HRK: variants seen among roughly 807,000 people sequenced by gnomAD.
HRK encodes the protein harakiri, BCL2 interacting protein.
Under a neutral mutation model 5.9 loss-of-function variants are expected in HRK, and 6 were observed. The observed-to-expected ratio is 1.02, with a 90% CI of 0.56 to 2.01. The LOEUF (loss-of-function observed/expected upper bound fraction) is 2.01, where lower values mean the gene tolerates loss of function less well. HRK is among the 30% of genes most tolerant of loss of function. HRK has a pLI of 0.00. For synonymous variants in HRK, 85 were observed against 65.1 expected (o/e 1.31, Z -1.47); for missense variants, 133 against 128.3 (o/e 1.04, Z -0.18).
intron 1 of HRK, among the ~76,000 whole-genome samples, chr12:116,872,676 G>A (rs1430450721): frequency 6.6e-6 from 1 of 152,124 alleles, no homozygotes; most frequent in East Asian, 1.9e-4. Flanking sequence ...TCAGAAGGCT[G>A]AGGTGGGAGA....
intron 1 of HRK, among the ~76,000 whole-genome samples, chr12:116,875,817 TAC>T (rs1878905527): frequency 6.6e-6 from 1 of 152,152 alleles, no homozygotes; most frequent in Non-Finnish European, 1.5e-5. Context: ...ATGCTGGGAT[TAC>T]AGGTGTGAGC....
rs1878392348 is a variant in HRK at position 116,862,251 on chromosome 12, A to ATGCACAAAATGTG, written c.*57-798_*57-786dup. Among the ~76,000 whole-genome samples the ATGCACAAAATGTG allele has an allele frequency of 6.6e-6, 1 of 152,228 alleles. No homozygotes were observed. The highest frequency in any genetic ancestry group is 2.4e-5 in the African/African-American group (1 of 41,462). On this transcript the variant is annotated intron_variant, in intron 1 of 1. Transcript: ENST00000257572. The surrounding 1 kb of genome is among the most constrained non-coding windows in gnomAD (Gnocchi z 4.0). ...CATACCCAGGAGCATCCACCACAGA[A>ATGCACAAAATGTG]TGCACAAAATGTGTGCACAAATGCT...
At position 116,857,401 on chromosome 12, in the gene HRK, T is replaced by C. The variant is rs1244979715; in HGVS notation, c.*4122A>G. 1 of 152,238 alleles carries C rather than the reference T, an allele frequency of 6.6e-6. No homozygotes were observed. Among genetic ancestry groups the C allele is most frequent in the Non-Finnish European group, 1.5e-5 (1 of 68,042 alleles). 9.4% of individuals were successfully genotyped at this position (152,238 alleles called of 1,614,324 possible). A position where few individuals can be genotyped will look rare whatever the true frequency, so the allele number is the denominator to read the frequency against. ...GCTCCATGGGACTAAGAAGAGTGTC[T>C]AGCTGGTCCCCCAAACCCTTAACCA... On this transcript the variant is annotated 3_prime_UTR_variant, in exon 2 of 2. Coordinates refer to ENST00000257572, the MANE Select transcript of HRK (RefSeq NM_003806.4).
chr12:116,879,168 G>A lies in HRK; in HGVS notation c.*56+1808C>T, dbSNP rs1327333153. 6.6e-6 allele frequency: 1 copy of A among 152,330 alleles called. No homozygotes were observed. Among genetic ancestry groups the A allele is most frequent in the Non-Finnish European group, 1.5e-5 (1 of 68,150 alleles). 9.4% of individuals were successfully genotyped at this position (152,330 alleles called of 1,614,324 possible). A position where few individuals can be genotyped will look rare whatever the true frequency, so the allele number is the denominator to read the frequency against. Reference sequence around the variant, plus strand: ...CATCCCGCACGCCTGGTGCCGGAAGGGGAGAGCGTTTCCAATCTCCTGGAC... The same window carrying A: ...CATCCCGCACGCCTGGTGCCGGAAGAGGAGAGCGTTTCCAATCTCCTGGAC... On this transcript the variant is annotated intron_variant, in intron 1 of 1. Coordinates refer to ENST00000257572, the MANE Select transcript of HRK (RefSeq NM_003806.4). This position sits in a 1 kb window ranked among gnomAD's most constrained non-coding sequence, Gnocchi z 5.6.
intron 1 of HRK, among the ~76,000 whole-genome samples, chr12:116,880,184 G>A (rs1194267017): frequency 6.6e-6 from 1 of 152,122 alleles, no homozygotes; most frequent in East Asian, 1.9e-4. Context: ...CCAGCACCCC[G>A]AAGGAGCTCA....
chr12:116,881,274 G>A lies in HRK; in HGVS notation c.34C>T (p.Pro12Ser). 2 of 1,076,848 alleles carry A rather than the reference G, an allele frequency of 1.9e-6. No individual in the cohort carries two copies. The highest frequency in any genetic ancestry group is 2.2e-6 in the Non-Finnish European group (2 of 890,850). The allele number at this position is 1,076,848 out of a possible 1,614,324, so 66.7% of individuals were successfully genotyped here. The change falls in exon 1 of 2, where the codon CCC becomes TCC. Residue 12 changes from proline (P) to serine (S), a missense_variant. Pro to Ser is a moderately conservative substitution (Grantham distance 74, BLOSUM62 -1). Coordinates refer to ENST00000257572, the MANE Select transcript of HRK (RefSeq NM_003806.4). The stretch of plus-strand genomic sequence containing the variant: ...GCGCTGCAGGCGCACACGGCCGGGG[G>A]GCCGCGGCCGCGGTGCAGGGGGCAC... ...CPCPLHRGRG[P>S]PAVCACSAGR...
At position 116,881,337 on chromosome 12, in the gene HRK, C is replaced by A; in HGVS notation, c.-30G>T. The A allele has an allele frequency of 9.5e-7, 1 of 1,055,864 alleles. No individual in the cohort carries two copies. Among genetic ancestry groups the A allele is most frequent in the South Asian group, 4.4e-5 (1 of 22,580 alleles). 65.4% of individuals were successfully genotyped at this position (1,055,864 alleles called of 1,614,324 possible). A position where few individuals can be genotyped will look rare whatever the true frequency, so the allele number is the denominator to read the frequency against. On this transcript the variant is annotated 5_prime_UTR_variant, in exon 1 of 2. Transcript: ENST00000257572. The stretch of plus-strand genomic sequence containing the variant: ...GCTGGCCTCGCTCCCGCCCCGCGCT[C>A]GGGCCGCCCCTCGCCTCCTCTCCCT...
At position 116,881,044 on chromosome 12, in the gene HRK, C is replaced by A; in HGVS notation, c.264G>T (p.Arg88Ser). The change falls in exon 1 of 2, where the codon AGG (arginine) becomes AGT (serine). Residue 88 changes from arginine (R) to serine (S), a missense_variant. Physicochemically the swap from Arg to Ser is moderately radical, Grantham distance 110 (BLOSUM62 -1). Coordinates refer to ENST00000257572, the MANE Select transcript of HRK (RefSeq NM_003806.4). Reference sequence around the variant, plus strand: ...AAGCCCCGCGTTCCTACAAGTTCCGCCTGCCGAGCAGCCAGGCCGCCAGCG... The same window carrying A: ...AAGCCCCGCGTTCCTACAAGTTCCGACTGCCGAGCAGCCAGGCCGCCAGCG... ...VAALAAWLLG[R>S]RNL 7.4e-7 allele frequency: 1 copy of A among 1,356,972 alleles called. No individual in the cohort carries two copies. The highest frequency in any genetic ancestry group is 1.8e-5 in the South Asian group (1 of 55,302). The allele number at this position is 1,356,972 out of a possible 1,614,324, so 84.1% of individuals were successfully genotyped here. A position where few individuals can be genotyped will look rare whatever the true frequency, so the allele number is the denominator to read the frequency against.
At chr12:116,869,149 C>T (rs375852537) in intron 1 of HRK, among the ~76,000 whole-genome samples, 1 of 151,874 alleles carries the variant, frequency 6.6e-6, no homozygotes, top group Non-Finnish European at 1.5e-5. Context: ...AATTTTTGTA[C>T]ATATTTTTTT....
chr12:116,863,790 C>A (rs1327332647), intron 1 of HRK, among the ~76,000 whole-genome samples: 1 of 152,028 alleles, frequency 6.6e-6, no homozygotes, highest in African/African-American at 2.4e-5. Context: ...CCTCGACCTC[C>A]TGAGCTCAAG....
chr12:116,869,315 A>T (rs1593006838), intron 1 of HRK, among the ~76,000 whole-genome samples: 1 of 152,216 alleles, frequency 6.6e-6, no homozygotes, highest in Admixed American at 6.5e-5. Flanking sequence ...TAAGAACAAC[A>T]CATATCATAG....
Position 116,856,631 on chromosome 12 carries a change from A to G in HRK, c.*4892T>C, listed in dbSNP as rs1231970479. 6.6e-6 allele frequency: 1 copy of G among 152,274 alleles called. No homozygotes were observed. Among genetic ancestry groups the G allele is most frequent in the Non-Finnish European group, 1.5e-5 (1 of 68,088 alleles). The allele number at this position is 152,274 out of a possible 1,614,324, so 9.4% of individuals were successfully genotyped here. A position where few individuals can be genotyped will look rare whatever the true frequency, so the allele number is the denominator to read the frequency against. ...GGTGACACTTTTTCCAGTAGACCTAAGTCAGGCCCCGGCTCCCAGTGGGGC... is the reference window on the plus strand; with the variant it reads ...GGTGACACTTTTTCCAGTAGACCTAGGTCAGGCCCCGGCTCCCAGTGGGGC... On this transcript the variant is annotated 3_prime_UTR_variant, in exon 2 of 2. Transcript: ENST00000257572. The surrounding 1 kb of genome is among the most constrained non-coding windows in gnomAD (Gnocchi z 4.4).
At position 116,858,149 on chromosome 12, in the gene HRK, A is replaced by G. The variant is rs1340024120; in HGVS notation, c.*3374T>C. ...AAAAAAAAAAAACGAACAAAAAAAC[A>G]GGAACTGGGCTCTAAGAGATGCGCA... On this transcript the variant is annotated 3_prime_UTR_variant, in exon 2 of 2. Transcript: ENST00000257572. The G allele has an allele frequency of 6.6e-6, 1 of 150,880 alleles. No homozygotes were observed. The highest frequency in any genetic ancestry group is 1.5e-5 in the Non-Finnish European group (1 of 67,782). The allele number at this position is 150,880 out of a possible 1,614,324, so 9.3% of individuals were successfully genotyped here. A position where few individuals can be genotyped will look rare whatever the true frequency, so the allele number is the denominator to read the frequency against.
chr12:116,875,112 T>A (rs140566909), intron 1 of HRK, among the ~76,000 whole-genome samples: 24 of 152,334 alleles, frequency 1.6e-4, no homozygotes, highest in Non-Finnish European at 2.1e-4. Flanking sequence ...ATTAGTTACA[T>A]AGCACTTACA....
At chr12:116,863,364 G>A (rs1197486997) in intron 1 of HRK, among the ~76,000 whole-genome samples, 2 of 152,148 alleles carry the variant, frequency 1.3e-5, no homozygotes, top group African/African-American at 4.8e-5. Flanking sequence ...GCCGCTGTCT[G>A]GACTCTGGTA....
intron 1 of HRK, among the ~76,000 whole-genome samples, chr12:116,865,492 A>C (rs1437678213): frequency 6.6e-6 from 1 of 152,164 alleles, no homozygotes; most frequent in Non-Finnish European, 1.5e-5. Context: ...ATGCCTCTGC[A>C]CTCCATCCTG....
At chr12:116,869,058 T>C (rs377134277) in intron 1 of HRK, among the ~76,000 whole-genome samples, 1 of 152,008 alleles carries the variant, frequency 6.6e-6, no homozygotes, top group East Asian at 1.9e-4. Flanking sequence ...ACTGCAGACT[T>C]GACCTCCTGG....
rs1227511992 is a variant in HRK at position 116,862,235 on chromosome 12, G to C, written c.*57-769C>G. On this transcript the variant is annotated intron_variant, in intron 1 of 1. Transcript: ENST00000257572. The surrounding 1 kb of genome is among the most constrained non-coding windows in gnomAD (Gnocchi z 4.0). Reference sequence around the variant, plus strand: ...GGCAGAAAAAACAGCCCATACCCAGGAGCATCCACCACAGAATGCACAAAA... The same window carrying C: ...GGCAGAAAAAACAGCCCATACCCAGCAGCATCCACCACAGAATGCACAAAA... Among the ~76,000 whole-genome samples the C allele has an allele frequency of 6.6e-6, 1 of 152,150 alleles. No homozygotes were observed. The highest frequency in any genetic ancestry group is 1.9e-4 in the East Asian group (1 of 5,192).
chr12:116,865,089 G>T (rs1431416888), intron 1 of HRK, among the ~76,000 whole-genome samples: 2 of 152,200 alleles, frequency 1.3e-5, no homozygotes, highest in African/African-American at 4.8e-5. Context: ...TCCGTGGGCT[G>T]CAGTGATGTT....
Sources: allele counts gnomAD v4.1 joint callset (sites outside exome capture counted in the v4.1 genomes callset), GRCh38; gene constraint gnomAD v4.1.1; non-coding constraint Gnocchi (gnomAD v3.1); transcripts MANE v1.5; gene names NCBI Gene and HGNC (gene_info 2026-07-23, HGNC 2026-07-21).